Variants in TNNT1 observed in about 807,000 individuals in gnomAD.
TNNT1 encodes the protein troponin T, slow skeletal muscle.
Under a neutral mutation model 50.6 loss-of-function variants are expected in TNNT1, and 53 were observed. That is an observed-to-expected ratio of 1.05 (90% CI 0.84 to 1.32). The LOEUF (loss-of-function observed/expected upper bound fraction) is 1.32, where lower values mean the gene tolerates loss of function less well. TNNT1 is among the 40% of genes most tolerant of loss of function. TNNT1 has a pLI of 0.00. For synonymous variants in TNNT1, 142 were observed against 138.0 expected (o/e 1.03, Z -0.20); for missense variants, 348 against 381.7 (o/e 0.91, Z 0.74).
In TNNT1 at chr19:55,132,796, A is replaced by G. The variant is rs2085271202; in HGVS notation, c.*119T>C. ...CAATTAACCAGGAGAGACCAGCTGC[A>G]TCTCAACCATAATAACATCAGAGAA... On this transcript the variant is annotated 3_prime_UTR_variant, in exon 14 of 14. Coordinates refer to ENST00000588981, the MANE Select transcript of TNNT1 (RefSeq NM_003283.6). The G allele has an allele frequency of 1.1e-6, 1 of 934,818 alleles. No homozygotes were observed. The highest frequency in any genetic ancestry group is 2.0e-5 in the Admixed American group (1 of 49,582). 57.9% of individuals were successfully genotyped at this position (934,818 alleles called of 1,614,324 possible).
chr19:55,141,284 T>A lies in TNNT1; in HGVS notation c.211A>T (p.Met71Leu), dbSNP rs772439230. 1.2e-6 allele frequency: 2 copies of A among 1,614,158 alleles called. No homozygotes were observed. Among genetic ancestry groups the A allele is most frequent in the Non-Finnish European group, 1.7e-6 (2 of 1,179,994 alleles). Residue 71 changes from methionine to leucine, a missense_variant, in exon 8 of 14, where the codon ATG (methionine) becomes TTG (leucine). Physicochemically the swap from Met to Leu is conservative, Grantham distance 15. Coordinates refer to ENST00000588981, the MANE Select transcript of TNNT1 (RefSeq NM_003283.6). Reference protein sequence around the residue: ...VDFDDIHRKRMEKDLLELQTL... With the variant: ...VDFDDIHRKRLEKDLLELQTL... ...TGCAGCTCCAGCAGGTCTTTCTCCATGCGCTTGCGGTGGATGTCCTGCAGG... is the reference window on the plus strand; with the variant it reads ...TGCAGCTCCAGCAGGTCTTTCTCCAAGCGCTTGCGGTGGATGTCCTGCAGG...
intron 1 of TNNT1, 69 bp from the exon 2 acceptor site, chr19:55,147,237 G>T (rs1209914980): frequency 1.3e-6 from 2 of 1,498,386 alleles, no homozygotes; most frequent in East Asian, 4.7e-5. Context: ...ACTCCTGGGT[G>T]TGAGGGAGGA....
rs545611551 is a variant in TNNT1, at chr19:55,140,390, A to G, written c.387+493T>C. On this transcript the variant is annotated intron_variant, in intron 9 of 13. Transcript: ENST00000588981. Reference sequence around the variant, plus strand: ...GAGGCTGAGGTGGGAAAATCATTTGAGCCCAGGAGGTCCTAGTTATAGTGA... The same window carrying G: ...GAGGCTGAGGTGGGAAAATCATTTGGGCCCAGGAGGTCCTAGTTATAGTGA... Among the ~76,000 whole-genome samples the G allele has an allele frequency of 3.3e-5, 5 of 151,466 alleles. No individual in the cohort carries two copies. In the South Asian group the frequency reaches 1.0e-3, roughly 32 times the overall value.
intron 3 of TNNT1, 32 bp from the exon 4 acceptor site, chr19:55,146,739 A>T (rs902227369): frequency 6.5e-5 from 96 of 1,481,904 alleles, no homozygotes; most frequent in Non-Finnish European, 8.4e-5. Flanking sequence ...AGAAGGCGTT[A>T]GGAGCTGGGG....
At chr19:55,149,033 C>T (rs2085631742) in intron 1 of TNNT1, 128 bp downstream of exon 1, 1 of 407,952 alleles carries the variant, frequency 2.5e-6, no homozygotes, top group South Asian at 1.7e-5. Flanking sequence ...AGTTCCCAGA[C>T]CTCCAGTTGT....
rs973522087 is a variant in TNNT1, at chr19:55,140,130, A to T, written c.387+753T>A. Among the ~76,000 whole-genome samples the T allele has an allele frequency of 6.6e-5, 10 of 150,948 alleles. 1 individual carries two copies. The highest frequency in any genetic ancestry group is 6.0e-4 in the Admixed American group (9 of 15,114). On this transcript the variant is annotated intron_variant, in intron 9 of 13. Transcript: ENST00000588981. ...AGAGCGAGACTGTCTCAGAAAAAAA[A>T]AAAATTAAAATTAAAAAAAAAGGGA...
At position 55,146,771 on chromosome 19, in the gene TNNT1, G is replaced by A; in HGVS notation, c.47-64C>T. ...GGGGGAGGGATGGGGGCGGTGGCCA[G>A]AGACCAGGGTTCCAGTCTCTGCTGG... On this transcript the variant is annotated intron_variant, in intron 3 of 13. Transcript: ENST00000588981. The A allele has an allele frequency of 2.2e-6, 3 of 1,347,688 alleles. No individual in the cohort carries two copies. The East Asian group carries it at 7.5e-5, about 34-fold the overall frequency. The allele number at this position is 1,347,688 out of a possible 1,614,324, so 83.5% of individuals were successfully genotyped here. A position where few individuals can be genotyped will look rare whatever the true frequency, so the allele number is the denominator to read the frequency against.
rs181420303 is a variant in TNNT1 at position 55,138,506 on chromosome 19, G to A, written c.388-432C>T. 4.5e-3 allele frequency among the ~76,000 whole-genome samples: 679 copies of A among 152,300 alleles called. 4 individuals are homozygous for A. The highest frequency in any genetic ancestry group is 8.1e-3 in the Non-Finnish European group (553 of 68,014). On this transcript the variant is annotated intron_variant, in intron 9 of 13. Transcript: ENST00000588981. ...TTGGCCAGGCTGGTCTCAAACTACT[G>A]ACCTCAAGTGATCCGCCTGCCTCGG...
In TNNT1 at chr19:55,146,991, G is replaced by T. The variant is rs761554761; in HGVS notation, c.46+17C>A. On this transcript the variant is annotated intron_variant, in intron 3 of 13. Transcript: ENST00000588981. ...GGCGTGTCCCCATCCCATAGGGCCG[G>T]CCCACTCCCTACTCACCTTCCGGCT... is the stretch of plus-strand genomic sequence containing the variant. The T allele has an allele frequency of 8.7e-6, 14 of 1,603,132 alleles. No individual in the cohort carries two copies. The highest frequency in any genetic ancestry group is 1.2e-5 in the Non-Finnish European group (14 of 1,174,902).
At position 55,145,556 on chromosome 19, in the gene TNNT1, C is replaced by G; in HGVS notation, c.116G>C (p.Arg39Pro). The G allele has an allele frequency of 6.2e-7, 1 of 1,613,412 alleles. No individual in the cohort carries two copies. The highest frequency in any genetic ancestry group is 8.5e-7 in the Non-Finnish European group (1 of 1,179,670). Reference sequence around the variant, plus strand: ...TGTAGGATCTCACCTTGGTTTGGGGCGTTCCTCTTCTGTTGGTGGTGGGGG... The same window carrying G: ...TGTAGGATCTCACCTTGGTTTGGGGGGTTCCTCTTCTGTTGGTGGTGGGGG... ...PEPVAEPEEERPKPSRPVVPP... is the reference protein window; with the variant it reads ...PEPVAEPEEEPPKPSRPVVPP... The change falls in exon 6 of 14, where the codon CGC becomes CCC. Residue 39 changes from arginine to proline, a missense_variant. Arg to Pro is a moderately radical substitution (Grantham distance 103). Coordinates refer to ENST00000588981, the MANE Select transcript of TNNT1 (RefSeq NM_003283.6).
At chr19:55,149,040 T>C in intron 1 of TNNT1, 121 bp downstream of exon 1, 1 of 417,444 alleles carries the variant, frequency 2.4e-6, no homozygotes, top group Non-Finnish European at 4.9e-6. Context: ...AGACCTCCAG[T>C]TGTATGCCCC....
At chr19:55,142,100 T>A (rs1390966829) in intron 6 of TNNT1, 180 bp from the exon 7 acceptor site, 1 of 616,450 alleles carries the variant, frequency 1.6e-6, no homozygotes, top group East Asian at 2.8e-5. Flanking sequence ...ACCTCACTAC[T>A]CATGTTTTTT....
At chr19:55,147,472 A>G (rs2085589709) in intron 1 of TNNT1, 1 of 265,126 alleles carries the variant, frequency 3.8e-6, no homozygotes, top group Non-Finnish European at 6.5e-6. Context: ...CCTGGGTCTG[A>G]GGAAGGAGGG....
At chr19:55,138,168 A>G (rs2147247912) in intron 9 of TNNT1, 94 bp from the exon 10 acceptor site, 5 of 1,601,716 alleles carry the variant, frequency 3.1e-6, no homozygotes, top group Non-Finnish European at 4.3e-6. Context: ...GGATCAGCAG[A>G]CCCAGTGCCG....
At chr19:55,147,713 C>T (rs540681656) in intron 1 of TNNT1, among the ~76,000 whole-genome samples, 2,882 of 33,546 alleles carry the variant, frequency 0.086, 174 homozygotes, top group African/African-American at 0.21. Context: ...GAGGAGGGGC[C>T]AGGGGCCTGG....
At chr19:55,139,626 CA>C (rs1188520490) in intron 9 of TNNT1, among the ~76,000 whole-genome samples, 1 of 151,988 alleles carries the variant, frequency 6.6e-6, no homozygotes, top group Non-Finnish European at 1.5e-5. Flanking sequence ...ACAGGTAATC[CA>C]GGACAACCTT....
intron 5 of TNNT1, 49 bp downstream of exon 5, chr19:55,146,385 C>T: frequency 2.3e-6 from 3 of 1,326,082 alleles, no homozygotes; most frequent in South Asian, 2.0e-5. Flanking sequence ...ATCGGGGGTC[C>T]CCCCGGGCCC....
intron 11 of TNNT1, among the ~76,000 whole-genome samples, chr19:55,135,973 T>C (rs1470063671): frequency 6.6e-6 from 1 of 152,160 alleles, no homozygotes; most frequent in Non-Finnish European, 1.5e-5. Context: ...GTGGAAGTAT[T>C]TACGCCCTGG....
At chr19:55,145,358 G>A in intron 6 of TNNT1, 186 bp downstream of exon 6, 1 of 657,158 alleles carries the variant, frequency 1.5e-6, no homozygotes, top group Non-Finnish European at 2.8e-6. Context: ...AGTGGAGGAG[G>A]AGGAGGGAGG....
Sources: allele counts gnomAD v4.1 joint callset (sites outside exome capture counted in the v4.1 genomes callset), GRCh38; gene constraint gnomAD v4.1.1; transcripts MANE v1.5; gene names NCBI Gene and HGNC (gene_info 2026-07-23, HGNC 2026-07-21).